Variants in NLRP1 observed in about 807,000 individuals in gnomAD.
NLRP1 encodes the protein NACHT, LRR and PYD domains-containing protein 1.
Under a neutral mutation model 136.7 loss-of-function variants are expected in NLRP1, and 94 were observed. The observed-to-expected ratio is 0.69, with a 90% CI of 0.58 to 0.82. The LOEUF is 0.82. Among genes scored for constraint, NLRP1 ranks in the 40% least tolerant of loss-of-function variants. The pLI, the probability that NLRP1 is intolerant of heterozygous loss-of-function variation, is 0.00. For synonymous variants in NLRP1, 690 were observed against 725.1 expected (o/e 0.95, Z 0.78); for missense variants, 1,575 against 1,802.7 (o/e 0.87, Z 2.29).
Position 5,517,358 on chromosome 17 carries a change from C to T in NLRP1, c.4057+388G>A, listed in dbSNP as rs970106555. On this transcript the variant is annotated intron_variant, in intron 15 of 16. Coordinates refer to ENST00000572272, the MANE Select transcript of NLRP1 (RefSeq NM_033004.4). ...GTGATAGTGCACTCTGCACCCCCCCCCCTCCCACATACACAGACTTTCTTC... is the reference window on the plus strand; with the variant it reads ...GTGATAGTGCACTCTGCACCCCCCCTCCTCCCACATACACAGACTTTCTTC... Among the ~76,000 whole-genome samples the T allele has an allele frequency of 3.3e-5, 3 of 91,454 alleles. 1 individual carries two copies. Among genetic ancestry groups the T allele is most frequent in the South Asian group, 3.7e-4 (1 of 2,724 alleles). 60.0% of individuals were successfully genotyped at this position (91,454 alleles called of 152,430 possible).
intron 3 of NLRP1, among the ~76,000 whole-genome samples, chr17:5,561,426 G>GTTTTTTTTTTTTTT (rs61194384): frequency 7.9e-5 from 4 of 50,426 alleles, no homozygotes; most frequent in African/African-American, 2.8e-4. Context: ...ATGCCATGTG[G>GTTTTTTTTTTTTTT]TTTTTTTTTT....
intron 16 of NLRP1, 146 bp downstream of exon 16, chr17:5,515,327 A>G (rs1273879554): frequency 5.2e-6 from 4 of 769,346 alleles, no homozygotes; most frequent in African/African-American, 1.7e-5. Context: ...GGGTATGGGG[A>G]GCGACCATGC....
intron 8 of NLRP1, among the ~76,000 whole-genome samples, chr17:5,534,304 G>C (rs922213054): frequency 2.0e-5 from 3 of 152,194 alleles, no homozygotes; most frequent in African/African-American, 7.2e-5. Flanking sequence ...AGGAGGCAGA[G>C]GTTGCAGTGA....
At chr17:5,526,484 G>A (rs1392613034) in intron 12 of NLRP1, among the ~76,000 whole-genome samples, 6 of 152,182 alleles carry the variant, frequency 3.9e-5, no homozygotes, top group Non-Finnish European at 7.3e-5. Context: ...CCACTCAGGT[G>A]TCTGTGTGAA....
chr17:5,564,890 A>T (rs1915167018), intron 3 of NLRP1, among the ~76,000 whole-genome samples: 1 of 151,960 alleles, frequency 6.6e-6, no homozygotes, highest in South Asian at 2.1e-4. Flanking sequence ...GGTGCCCGCC[A>T]CTGCACCTGG....
intron 12 of NLRP1, among the ~76,000 whole-genome samples, chr17:5,523,393 C>T (rs931269247): frequency 6.6e-6 from 1 of 152,160 alleles, no homozygotes; most frequent in Non-Finnish European, 1.5e-5. Flanking sequence ...TATTTTCTGC[C>T]GCCTGTCTCC....
chr17:5,534,899 C>T (rs573672355), intron 8 of NLRP1, among the ~76,000 whole-genome samples: 3 of 152,284 alleles, frequency 2.0e-5, no homozygotes, highest in South Asian at 2.1e-4. Context: ...TCAAACTGTG[C>T]GCTTAACAAT....
chr17:5,564,980 G>T lies in NLRP1; in HGVS notation c.653-4937C>A, dbSNP rs1915176893. Reference sequence around the variant, plus strand: ...TCTCAATCTCCTGACCTCATGATCTGCCCACCTCGGCCTCCCAAAGTGCTG... The same window carrying T: ...TCTCAATCTCCTGACCTCATGATCTTCCCACCTCGGCCTCCCAAAGTGCTG... On this transcript the variant is annotated intron_variant, in intron 3 of 16. Transcript: ENST00000572272. 2.0e-5 allele frequency among the ~76,000 whole-genome samples: 3 copies of T among 151,966 alleles called. No individual in the cohort carries two copies. In the South Asian group the frequency reaches 6.2e-4, roughly 32 times the overall value.
intron 4 of NLRP1, among the ~76,000 whole-genome samples, chr17:5,557,300 C>T (rs778939087): frequency 6.6e-6 from 1 of 150,952 alleles, no homozygotes; most frequent in Non-Finnish European, 1.5e-5. Context: ...CTACTTCACC[C>T]AGCCTACATA....
At chr17:5,580,010 G>C (rs1210400625) in intron 3 of NLRP1, among the ~76,000 whole-genome samples, 1 of 152,068 alleles carries the variant, frequency 6.6e-6, no homozygotes, top group Non-Finnish European at 1.5e-5. Context: ...GAGGTGGGTG[G>C]ATCACCTCGG....
intron 15 of NLRP1, chr17:5,503,081 G>A (rs1051851485): frequency 4.6e-5 from 7 of 152,252 alleles, no homozygotes; most frequent in Admixed American, 3.9e-4. Context: ...GAAAGGGTGT[G>A]TAGGGTGCAA....
chr17:5,555,511 G>T (rs1420564378), intron 4 of NLRP1, among the ~76,000 whole-genome samples: 1 of 151,930 alleles, frequency 6.6e-6, no homozygotes, highest in Non-Finnish European at 1.5e-5. Flanking sequence ...CTCCTCTCTG[G>T]CCTGGTGTTC....
chr17:5,513,085 A>G (rs1266204525), downstream of NLRP1, among the ~76,000 whole-genome samples: 2 of 152,190 alleles, frequency 1.3e-5, no homozygotes, highest in Non-Finnish European at 2.9e-5. Context: ...ATAACTAAAG[A>G]TGCTTTTGAG....
At chr17:5,582,887 G>T in intron 1 of NLRP1, 41 bp from the exon 2 acceptor site, 1 of 1,518,584 alleles carries the variant, frequency 6.6e-7, no homozygotes, top group Non-Finnish European at 8.9e-7. Flanking sequence ...ACATCAGAGG[G>T]GCAGGGGCAA....
At chr17:5,515,322 T>A (rs1907948089) in intron 16 of NLRP1, 151 bp downstream of exon 16, 1 of 760,468 alleles carries the variant, frequency 1.3e-6, no homozygotes, top group African/African-American at 1.7e-5. Flanking sequence ...CAAGGGGGTA[T>A]GGGGAGCGAC....
chr17:5,576,536 C>T (rs145673021), intron 3 of NLRP1, among the ~76,000 whole-genome samples: 2,709 of 152,204 alleles, frequency 0.018, 75 homozygotes, highest in African/African-American at 0.062. Flanking sequence ...AAGAAATGGA[C>T]ACATTCCTGG....
intron 12 of NLRP1, among the ~76,000 whole-genome samples, chr17:5,526,219 C>T (rs1266612531): frequency 6.6e-6 from 1 of 152,162 alleles, no homozygotes; most frequent in Non-Finnish European, 1.5e-5. Context: ...CTCAAGTCAT[C>T]CTCCCGTTTC....
At chr17:5,580,544 C>T (rs2151829291) in intron 3 of NLRP1, among the ~76,000 whole-genome samples, 2 of 152,138 alleles carry the variant, frequency 1.3e-5, no homozygotes, top group Middle Eastern at 6.8e-3. Flanking sequence ...ATTGTGTAAC[C>T]CATTATATTT....
At chr17:5,534,973 G>C (rs1395489630) in intron 8 of NLRP1, among the ~76,000 whole-genome samples, 1 of 152,194 alleles carries the variant, frequency 6.6e-6, no homozygotes, top group Non-Finnish European at 1.5e-5. Context: ...TGGAATCCCA[G>C]CACTCTGGGA....
Sources: gnomAD v4.1 joint callset for allele counts (sites outside exome capture counted in the v4.1 genomes callset) on GRCh38, gnomAD v4.1.1 for gene constraint, MANE v1.5 for transcripts, NCBI Gene and HGNC (gene_info 2026-07-23, HGNC 2026-07-21) for gene names.